The following DPP10 variants were observed in gnomAD, a reference collection of about 807,000 sequenced individuals.
DPP10 encodes inactive dipeptidyl peptidase 10.
A neutral mutation model predicts 120.9 loss-of-function variants in DPP10; 33 were observed. That is an observed-to-expected ratio of 0.27 (90% CI 0.21 to 0.37). The LOEUF (loss-of-function observed/expected upper bound fraction) is 0.37. Among genes scored for constraint, DPP10 ranks in the 10% least tolerant of loss-of-function variants. The probability of loss-of-function intolerance (pLI) is 1.00; values close to 1 mark genes in which losing one functional copy is unlikely to be tolerated. For missense variants in DPP10, 816 were observed against 942.8 expected, an observed-to-expected ratio of 0.87 and a Z score of 1.76; for synonymous variants, 337 against 326.1, an observed-to-expected ratio of 1.03 and a Z score of -0.36.
At chr2:115,804,542 T>G (rs1685679567) in intron 19 of DPP10, among the ~76,000 whole-genome samples, 1 of 152,202 alleles carries the variant, frequency 6.6e-6, no homozygotes, top group Non-Finnish European at 1.5e-5. Flanking sequence ...CTGCTCTGTT[T>G]TTTCCCCATC....
At chr2:114,710,466 C>A (rs533279269) in intron 1 of DPP10, among the ~76,000 whole-genome samples, 1 of 152,284 alleles carries the variant, frequency 6.6e-6, no homozygotes, top group East Asian at 1.9e-4. Context: ...AAGCACAGGC[C>A]GGGCATAGTG....
chr2:115,075,128 C>T (rs555091772), intron 1 of DPP10, among the ~76,000 whole-genome samples: 2 of 152,252 alleles, frequency 1.3e-5, no homozygotes, highest in East Asian at 1.9e-4. Context: ...AGTGAAAGCT[C>T]AGAGTGAGAA....
intron 1 of DPP10, among the ~76,000 whole-genome samples, chr2:114,967,807 C>CATTATT (rs1033179863): frequency 1.5e-4 from 22 of 151,550 alleles, no homozygotes; most frequent in Admixed American, 3.3e-4. Context: ...TTATCATTAT[C>CATTATT]ATTATTATTA....
At position 115,160,467 on chromosome 2, in the gene DPP10, A is replaced by T. The variant is rs530383112; in HGVS notation, c.61-148772A>T. On this transcript the variant is annotated intron_variant, in intron 1 of 25. Transcript: ENST00000410059. ...TCTTTCAGTTAAGAAGTGACTAATT[A>T]ATGGACTGAGTGGCTCAGAGCAGGG... Among the ~76,000 whole-genome samples the T allele has an allele frequency of 5.9e-5, 9 of 152,330 alleles. No homozygotes were observed. In the East Asian group the frequency reaches 1.7e-3, roughly 29 times the overall value.
intron 3 of DPP10, among the ~76,000 whole-genome samples, chr2:115,465,204 T>G (rs2074246432): frequency 6.6e-6 from 1 of 152,192 alleles, no homozygotes; most frequent in African/African-American, 2.4e-5. Context: ...TAATACACAC[T>G]CATAAATTCA....
At chr2:115,015,318 T>A (rs1232377088) in intron 1 of DPP10, among the ~76,000 whole-genome samples, 1 of 152,068 alleles carries the variant, frequency 6.6e-6, no homozygotes, top group Non-Finnish European at 1.5e-5. Flanking sequence ...ATGCTAAAAA[T>A]TCTCAATAAA....
chr2:115,781,521 A>T (rs964352906), intron 16 of DPP10, among the ~76,000 whole-genome samples: 1 of 151,956 alleles, frequency 6.6e-6, no homozygotes. Context: ...TATCTCTACA[A>T]TATATTCATA....
chr2:115,093,349 C>A (rs1314300923), intron 1 of DPP10, among the ~76,000 whole-genome samples: 1 of 151,982 alleles, frequency 6.6e-6, no homozygotes, highest in Non-Finnish European at 1.5e-5. Context: ...GACCAATATA[C>A]TTAGTGAGAC....
At chr2:115,443,744 A>G (rs993149313) in intron 3 of DPP10, among the ~76,000 whole-genome samples, 1 of 152,190 alleles carries the variant, frequency 6.6e-6, no homozygotes, top group African/African-American at 2.4e-5. Flanking sequence ...GATGGAACTC[A>G]GCAATCTGTG....
chr2:114,718,567 A>G (rs1701504834), intron 1 of DPP10, among the ~76,000 whole-genome samples: 1 of 152,172 alleles, frequency 6.6e-6, no homozygotes, highest in Non-Finnish European at 1.5e-5. Context: ...ATAAGAACCA[A>G]TGTTTTTGGT....
At chr2:114,862,465 C>T (rs1689886909) in intron 1 of DPP10, among the ~76,000 whole-genome samples, 1 of 152,066 alleles carries the variant, frequency 6.6e-6, no homozygotes, top group Non-Finnish European at 1.5e-5. Context: ...ACTCGGGAAG[C>T]TGATGCTGAC....
rs1352576725 is a variant in DPP10 at position 115,280,721 on chromosome 2, CT to C, written c.61-28517del. 2.6e-5 allele frequency among the ~76,000 whole-genome samples: 4 copies of C among 152,176 alleles called. No homozygotes were observed. The East Asian group carries it at 7.7e-4, about 29-fold the overall frequency. ...CTCAATTTTTCCCATTCAGTGTGAT[CT>C]ATTACAAGCTATTCTGCTTCCTGAA... is the stretch of plus-strand genomic sequence containing the variant. On this transcript the variant is annotated intron_variant, in intron 1 of 25. Transcript: ENST00000410059.
At chr2:115,304,149 T>C (rs1314498424) in intron 1 of DPP10, among the ~76,000 whole-genome samples, 1 of 151,986 alleles carries the variant, frequency 6.6e-6, no homozygotes, top group African/African-American at 2.4e-5. Context: ...AAAAGACAGT[T>C]CAAACTTTTG....
At chr2:115,834,364 G>A (rs191796311) in intron 21 of DPP10, among the ~76,000 whole-genome samples, 274 of 152,246 alleles carry the variant, frequency 1.8e-3, no homozygotes, top group African/African-American at 6.4e-3. Flanking sequence ...TGAACAAACT[G>A]CATCAGAATT....
intron 3 of DPP10, among the ~76,000 whole-genome samples, chr2:115,361,900 T>G (rs1481971745): frequency 6.6e-6 from 1 of 152,154 alleles, no homozygotes; most frequent in African/African-American, 2.4e-5. Flanking sequence ...TGGCTGCATC[T>G]AGTCAGCTAT....
intron 7 of DPP10, among the ~76,000 whole-genome samples, chr2:115,726,718 G>A (rs756033199): frequency 3.3e-5 from 5 of 152,106 alleles, no homozygotes; most frequent in Admixed American, 1.3e-4. Flanking sequence ...AATTAAAATA[G>A]AATATCCATG....
At chr2:115,576,414 C>G (rs2081659064) in intron 5 of DPP10, among the ~76,000 whole-genome samples, 1 of 152,142 alleles carries the variant, frequency 6.6e-6, no homozygotes, top group Admixed American at 6.5e-5. Context: ...ATAAATGAGT[C>G]TCAGGTTCCT....
At chr2:115,099,258 G>C (rs111905541) in intron 1 of DPP10, among the ~76,000 whole-genome samples, 359 of 152,196 alleles carry the variant, frequency 2.4e-3, no homozygotes, top group African/African-American at 8.1e-3. Context: ...AGGTTGCTGC[G>C]AGCCAAGGTT....
At chr2:114,553,134 T>C (rs940686489) in intron 1 of DPP10, among the ~76,000 whole-genome samples, 1 of 152,222 alleles carries the variant, frequency 6.6e-6, no homozygotes, top group Non-Finnish European at 1.5e-5. Context: ...ATAGGCTGTT[T>C]GGTGGCTTCA....
Sources: gnomAD v4.1 joint callset for allele counts (sites outside exome capture counted in the v4.1 genomes callset) on GRCh38, gnomAD v4.1.1 for gene constraint, MANE v1.5 for transcripts, NCBI Gene and HGNC (gene_info 2026-07-23, HGNC 2026-07-21) for gene names.